Variants in ATP6V0D1 observed in about 807,000 individuals in gnomAD.
The protein encoded by ATP6V0D1 is V-type proton ATPase subunit d 1.
In ATP6V0D1, 13 loss-of-function variants were observed where a neutral mutation model predicts 39.0. That is an observed-to-expected ratio of 0.33 (90% CI 0.22 to 0.53). The LOEUF is 0.53. ATP6V0D1 is among the 20% of genes least tolerant of loss of function. The probability of loss-of-function intolerance (pLI) is 0.94; values close to 1 mark genes in which losing one functional copy is unlikely to be tolerated. For missense variants in ATP6V0D1, 272 were observed against 470.9 expected, an observed-to-expected ratio of 0.58 and a Z score of 3.91; for synonymous variants, 191 against 191.2, an observed-to-expected ratio of 1.00 and a Z score of 0.01.
rs1434874719 is a variant in ATP6V0D1 at position 67,453,543 on chromosome 16, C to T, written c.302+1G>A. ...AAGAAGGCGCTACAAAGCACACTCA[C>T]GTAATGAAGTCTAGGAAGCTGGCGA... On this transcript the variant is annotated splice_donor_variant, in intron 2 of 7. Coordinates refer to ENST00000290949, the MANE Select transcript of ATP6V0D1 (RefSeq NM_004691.5). LOFTEE classifies it high-confidence loss of function. The surrounding 1 kb of genome is among the most constrained non-coding windows in gnomAD (Gnocchi z 4.1). The T allele has an allele frequency of 1.2e-6, 2 of 1,614,060 alleles. No individual in the cohort carries two copies. Among genetic ancestry groups the T allele is most frequent in the Admixed American group, 3.3e-5 (2 of 60,010 alleles).
intron 1 of ATP6V0D1, among the ~76,000 whole-genome samples, chr16:67,480,537 T>C (rs1279395807): frequency 6.6e-6 from 1 of 151,960 alleles, no homozygotes; most frequent in African/African-American, 2.4e-5. Context: ...AAGACCTTAG[T>C]GTCTTGGCGG....
chr16:67,462,063 A>G (rs1420215565), intron 1 of ATP6V0D1, among the ~76,000 whole-genome samples: 1 of 152,216 alleles, frequency 6.6e-6, no homozygotes, highest in African/African-American at 2.4e-5. Context: ...AGGGAGGGGC[A>G]GAACTGGTTA....
chr16:67,461,082 T>C (rs2041285966), intron 1 of ATP6V0D1, among the ~76,000 whole-genome samples: 1 of 152,144 alleles, frequency 6.6e-6, no homozygotes, highest in Non-Finnish European at 1.5e-5. Flanking sequence ...CATACCACAG[T>C]CCATTTCTCC....
At chr16:67,440,309 T>C (rs2041035027) in intron 4 of ATP6V0D1, 1 of 152,242 alleles carries the variant, frequency 6.6e-6, no homozygotes, top group African/African-American at 2.4e-5. Flanking sequence ...CCCAGGCAAA[T>C]TGGATCTGCT....
chr16:67,465,077 C>A (rs1415284889), intron 1 of ATP6V0D1, among the ~76,000 whole-genome samples: 1 of 152,222 alleles, frequency 6.6e-6, no homozygotes, highest in Non-Finnish European at 1.5e-5. Flanking sequence ...GACTTTCCTG[C>A]CTCTGAAAAG....
intron 1 of ATP6V0D1, chr16:67,457,602 C>A: frequency 4.7e-6 from 6 of 1,289,602 alleles, no homozygotes; most frequent in Non-Finnish European, 5.1e-6. Flanking sequence ...ACTGGACTGT[C>A]ATCACTCAGG....
rs143567611 is a variant in ATP6V0D1 at position 67,439,759 on chromosome 16, C to T, written c.562-408G>A. 8.6e-4 allele frequency: 203 copies of T among 234,998 alleles called. 2 individuals carry two copies. In the East Asian group the frequency reaches 0.016, roughly 19 times the overall value. 14.6% of individuals were successfully genotyped at this position (234,998 alleles called of 1,614,324 possible). A position where few individuals can be genotyped will look rare whatever the true frequency, so the allele number is the denominator to read the frequency against. ...AGGTGTGGCTGGACGCAGTGGCTCA[C>T]GCCTGTAATCCCAGCACTTTGGGAG... On this transcript the variant is annotated intron_variant, in intron 4 of 7. Transcript: ENST00000290949.
At chr16:67,460,372 C>T (rs971891197) in intron 1 of ATP6V0D1, among the ~76,000 whole-genome samples, 5 of 152,206 alleles carry the variant, frequency 3.3e-5, no homozygotes, top group Non-Finnish European at 5.9e-5. Flanking sequence ...CCTCCCTAGG[C>T]TCAGGAGTGG....
chr16:67,469,173 T>G (rs1383869712), intron 1 of ATP6V0D1, among the ~76,000 whole-genome samples: 1 of 152,144 alleles, frequency 6.6e-6, no homozygotes, highest in East Asian at 1.9e-4. Context: ...CCAGGCGTGG[T>G]GGCACACGCC....
At chr16:67,472,199 G>C (rs1185840546) in intron 1 of ATP6V0D1, among the ~76,000 whole-genome samples, 6 of 152,160 alleles carry the variant, frequency 3.9e-5, no homozygotes, top group Non-Finnish European at 8.8e-5. Context: ...ATCCGCCACT[G>C]AGCACTGGGG....
intron 1 of ATP6V0D1, 50 bp downstream of exon 1, chr16:67,480,907 C>A: frequency 6.2e-7 from 1 of 1,606,296 alleles, no homozygotes; most frequent in Non-Finnish European, 8.5e-7. Flanking sequence ...ACCTCTGAAC[C>A]CTCAGGCCCC....
At chr16:67,463,623 C>T (rs1269786813) in intron 1 of ATP6V0D1, among the ~76,000 whole-genome samples, 1 of 152,084 alleles carries the variant, frequency 6.6e-6, no homozygotes, top group African/African-American at 2.4e-5. Context: ...AGAAACTGGA[C>T]AGAGCAGCCC....
chr16:67,443,775 C>A (rs2041082641), intron 3 of ATP6V0D1, among the ~76,000 whole-genome samples: 1 of 152,196 alleles, frequency 6.6e-6, no homozygotes, highest in Admixed American at 6.5e-5. Flanking sequence ...CCACAAACAG[C>A]CCAGAACCAG....
At chr16:67,451,739 G>A (rs111905534) in intron 2 of ATP6V0D1, among the ~76,000 whole-genome samples, 37 of 152,364 alleles carry the variant, frequency 2.4e-4, no homozygotes, top group Admixed American at 3.9e-4. Context: ...GTGGGAAGTG[G>A]CAGATTCGGA....
intron 1 of ATP6V0D1, among the ~76,000 whole-genome samples, chr16:67,459,407 G>A (rs2041271325): frequency 6.6e-6 from 1 of 152,174 alleles, no homozygotes; most frequent in Non-Finnish European, 1.5e-5. Flanking sequence ...AGAGGCCTGG[G>A]AAGGCTGCAG....
At chr16:67,467,511 A>G (rs2142328487) in intron 1 of ATP6V0D1, among the ~76,000 whole-genome samples, 1 of 152,306 alleles carries the variant, frequency 6.6e-6, no homozygotes, top group South Asian at 2.1e-4. Flanking sequence ...CTCAAAAAAA[A>G]AAAAGAGCTG....
chr16:67,479,031 C>G lies in ATP6V0D1; in HGVS notation c.130+1926G>C, dbSNP rs2041440545. Among the ~76,000 whole-genome samples the G allele has an allele frequency of 2.6e-5, 4 of 152,256 alleles. No individual in the cohort carries two copies. In the South Asian group the frequency reaches 8.3e-4, roughly 32 times the overall value. On this transcript the variant is annotated intron_variant, in intron 1 of 7. Coordinates refer to ENST00000290949, the MANE Select transcript of ATP6V0D1 (RefSeq NM_004691.5). ...TCCAACTGTGTGCCAGGCCCTGTCC[C>G]AGGCAGCCTCCCTCTATTCTCCCCT...
chr16:67,453,873 A>G lies in ATP6V0D1; in HGVS notation c.131-158T>C, dbSNP rs1434653347. 2.0e-5 allele frequency among the ~76,000 whole-genome samples: 3 copies of G among 151,926 alleles called. No homozygotes were observed. The highest frequency in any genetic ancestry group is 7.3e-5 in the African/African-American group (3 of 41,322). On this transcript the variant is annotated intron_variant, in intron 1 of 7. Transcript: ENST00000290949. This position sits in a 1 kb window ranked among gnomAD's most constrained non-coding sequence, Gnocchi z 4.1. ...TCCCTGTTGGCTCAGGGCCTACCAC[A>G]GGGCAATCAGCTAAGGCCCTGGAGA...
chr16:67,462,128 G>A (rs142868381), intron 1 of ATP6V0D1, among the ~76,000 whole-genome samples: 102 of 152,098 alleles, frequency 6.7e-4, no homozygotes, highest in Non-Finnish European at 9.9e-4. Context: ...GTGGAGATCC[G>A]CCTGGACAGC....
Sources: allele counts gnomAD v4.1 joint callset (sites outside exome capture counted in the v4.1 genomes callset), GRCh38; gene constraint gnomAD v4.1.1; non-coding constraint Gnocchi (gnomAD v3.1); transcripts MANE v1.5; gene names NCBI Gene and HGNC (gene_info 2026-07-23, HGNC 2026-07-21).